KCNH7: variants seen among roughly 807,000 people sequenced by gnomAD.
KCNH7 encodes potassium voltage-gated channel subfamily H member 7, also known as voltage-gated inwardly rectifying potassium channel KCNH7.
KCNH7 carries 49 observed loss-of-function variants against 120.8 expected under a neutral mutation model. That is an observed-to-expected ratio of 0.41 (90% CI 0.32 to 0.51). The LOEUF (loss-of-function observed/expected upper bound fraction) is 0.51, where lower values mean the gene tolerates loss of function less well. KCNH7 is among the 20% of genes least tolerant of loss of function. KCNH7 has a pLI of 0.38. For synonymous variants in KCNH7, 547 were observed against 516.1 expected, an observed-to-expected ratio of 1.06 and a Z score of -0.81; for missense variants, 1,097 against 1,446.6, an observed-to-expected ratio of 0.76 and a Z score of 3.92.
intron 6 of KCNH7, among the ~76,000 whole-genome samples, chr2:162,493,285 G>A (rs1396767630): frequency 6.6e-6 from 1 of 152,066 alleles, no homozygotes; most frequent in African/African-American, 2.4e-5. Flanking sequence ...TGTTAGATGT[G>A]TGATGGTTAT....
At chr2:162,773,061 A>G (rs1306895270) in intron 2 of KCNH7, among the ~76,000 whole-genome samples, 1 of 152,212 alleles carries the variant, frequency 6.6e-6, no homozygotes, top group Admixed American at 6.5e-5. Context: ...ATCTTTAAAC[A>G]TATTTTGTAG....
At chr2:162,594,380 G>A (rs1363832622) in intron 2 of KCNH7, among the ~76,000 whole-genome samples, 1 of 151,934 alleles carries the variant, frequency 6.6e-6, no homozygotes, top group Non-Finnish European at 1.5e-5. Context: ...TGAGTTGAGG[G>A]CAAGGAAAAG....
intron 2 of KCNH7, among the ~76,000 whole-genome samples, chr2:162,555,419 A>C (rs1692821269): frequency 6.6e-6 from 1 of 152,034 alleles, no homozygotes; most frequent in African/African-American, 2.4e-5. Context: ...TTGACATTTT[A>C]TTTCATCCTT....
At chr2:162,648,769 C>G (rs914070884) in intron 2 of KCNH7, among the ~76,000 whole-genome samples, 1 of 151,660 alleles carries the variant, frequency 6.6e-6, no homozygotes, top group South Asian at 2.1e-4. Context: ...ACCTTTACCA[C>G]CCCCCCAAAA....
intron 2 of KCNH7, among the ~76,000 whole-genome samples, chr2:162,540,757 T>G (rs1692276047): frequency 6.6e-6 from 1 of 152,124 alleles, no homozygotes; most frequent in South Asian, 2.1e-4. Context: ...TGGAGAGTTT[T>G]ATCCAGGGGT....
At chr2:162,628,474 A>C (rs560283222) in intron 2 of KCNH7, among the ~76,000 whole-genome samples, 1 of 152,208 alleles carries the variant, frequency 6.6e-6, no homozygotes, top group South Asian at 2.1e-4. Context: ...AGGGGTACAT[A>C]AGCGGGTTTG....
At chr2:162,784,195 T>A (rs1016094995) in intron 2 of KCNH7, among the ~76,000 whole-genome samples, 5 of 152,200 alleles carry the variant, frequency 3.3e-5, no homozygotes, top group Admixed American at 6.5e-5. Flanking sequence ...TACTTAATAC[T>A]ATTGTTTCAA....
chr2:162,444,626 T>C (rs1402805350), intron 7 of KCNH7, among the ~76,000 whole-genome samples: 1 of 152,180 alleles, frequency 6.6e-6, no homozygotes, highest in Non-Finnish European at 1.5e-5. Context: ...CCATTATACT[T>C]CTAAGCTTGT....
chr2:162,614,834 C>A (rs942021710), intron 2 of KCNH7, among the ~76,000 whole-genome samples: 2 of 151,132 alleles, frequency 1.3e-5, no homozygotes, highest in Non-Finnish European at 3.0e-5. Context: ...GATAGGGCTA[C>A]TGAACTATAT....
intron 2 of KCNH7, among the ~76,000 whole-genome samples, chr2:162,663,607 G>A (rs1314393524): frequency 6.6e-6 from 1 of 152,106 alleles, no homozygotes; most frequent in Non-Finnish European, 1.5e-5. Flanking sequence ...ATGATCAGCT[G>A]TCAAGAGTGA....
intron 2 of KCNH7, among the ~76,000 whole-genome samples, chr2:162,697,283 T>A (rs1050407390): frequency 6.6e-6 from 1 of 152,078 alleles, no homozygotes; most frequent in East Asian, 1.9e-4. Context: ...GTACAGAGAA[T>A]CATGTTGCAT....
At chr2:162,692,742 G>A (rs1426389098) in intron 2 of KCNH7, among the ~76,000 whole-genome samples, 1 of 152,096 alleles carries the variant, frequency 6.6e-6, no homozygotes, top group Non-Finnish European at 1.5e-5. Flanking sequence ...TTCAAACACT[G>A]GAAAATAAAA....
At chr2:162,823,244 A>AT (rs66491024) in intron 2 of KCNH7, among the ~76,000 whole-genome samples, 1 of 145,412 alleles carries the variant, frequency 6.9e-6, no homozygotes, top group Non-Finnish European at 1.5e-5. Context: ...AATTGAAAAA[A>AT]AAAGATTTTA....
At chr2:162,767,009 A>G (rs182627352) in intron 2 of KCNH7, among the ~76,000 whole-genome samples, 108 of 152,266 alleles carry the variant, frequency 7.1e-4, no homozygotes, top group African/African-American at 2.0e-3. Flanking sequence ...AGATTATTCC[A>G]TATAAGTTTA....
chr2:162,744,872 C>G (rs548716921), intron 2 of KCNH7, among the ~76,000 whole-genome samples: 1 of 152,234 alleles, frequency 6.6e-6, no homozygotes, highest in African/African-American at 2.4e-5. Context: ...CGCGCCCGGC[C>G]GACAGAACTT....
Position 162,809,909 on chromosome 2 carries a change from CT to C in KCNH7, c.307+26627del, listed in dbSNP as rs748538332. ...TTGTAATCATATGTTCTCACCTATT[CT>C]TTTTTTTTTTTTTTTTTTTTTTTGA... On this transcript the variant is annotated intron_variant, in intron 2 of 15. Coordinates refer to ENST00000332142, the MANE Select transcript of KCNH7 (RefSeq NM_033272.4). 8.3e-3 allele frequency among the ~76,000 whole-genome samples: 426 copies of C among 51,240 alleles called. 8 individuals are homozygous for C. The highest frequency in any genetic ancestry group is 0.014 in the Non-Finnish European group (324 of 23,718). The allele number at this position is 51,240 out of a possible 152,430, so 33.6% of individuals were successfully genotyped here.
intron 9 of KCNH7, among the ~76,000 whole-genome samples, chr2:162,418,930 T>C (rs977258195): frequency 6.6e-6 from 1 of 151,740 alleles, no homozygotes; most frequent in Admixed American, 6.6e-5. Flanking sequence ...CATCTCACTA[T>C]GATCCTAAGA....
At chr2:162,753,594 A>G (rs993761647) in intron 2 of KCNH7, among the ~76,000 whole-genome samples, 4 of 152,088 alleles carry the variant, frequency 2.6e-5, no homozygotes, top group African/African-American at 9.7e-5. Context: ...TTTTTTTTCA[A>G]TAATTTGTTG....
intron 2 of KCNH7, among the ~76,000 whole-genome samples, chr2:162,611,180 C>T (rs1682951125): frequency 6.6e-6 from 1 of 152,144 alleles, no homozygotes; most frequent in Non-Finnish European, 1.5e-5. Context: ...TGCTGGGTGG[C>T]ATTGGTGTGG....
Sources: allele counts gnomAD v4.1 joint callset (sites outside exome capture counted in the v4.1 genomes callset), GRCh38; gene constraint gnomAD v4.1.1; transcripts MANE v1.5; gene names NCBI Gene and HGNC (gene_info 2026-07-23, HGNC 2026-07-21).